Variants in CNBD1 observed in about 807,000 individuals in gnomAD.
The protein encoded by CNBD1 is cyclic nucleotide-binding domain-containing protein 1.
In CNBD1, 71 loss-of-function variants were observed where a neutral mutation model predicts 54.4. The ratio of observed to expected loss-of-function variants is 1.30; its 90% confidence interval spans 1.08 to 1.59. CNBD1 has a LOEUF of 1.59. Among genes scored for constraint, CNBD1 ranks in the 40% most tolerant of loss-of-function variants. The pLI, the probability that CNBD1 is intolerant of heterozygous loss-of-function variation, is 0.00. For synonymous variants in CNBD1, 182 were observed against 170.7 expected (o/e 1.07, Z -0.51); for missense variants, 659 against 518.0 (o/e 1.27, Z -2.64).
chr8:87,363,243 C>T (rs534345764), intron 10 of CNBD1, among the ~76,000 whole-genome samples: 180 of 151,994 alleles, frequency 1.2e-3, no homozygotes, highest in Non-Finnish European at 1.7e-3. Flanking sequence ...TTTTCTTTAT[C>T]CAGTCTATCA....
chr8:87,195,935 T>G (rs1813712798), intron 4 of CNBD1, among the ~76,000 whole-genome samples: 1 of 152,206 alleles, frequency 6.6e-6, no homozygotes, highest in Non-Finnish European at 1.5e-5. Context: ...ACCTGAGAGT[T>G]CTGATTTACT....
chr8:87,073,580 GCTGTTTC>G (rs1810803863), intron 4 of CNBD1, among the ~76,000 whole-genome samples: 1 of 152,104 alleles, frequency 6.6e-6, no homozygotes, highest in African/African-American at 2.4e-5. Context: ...GCTGTTTGCT[GCTGTTTC>G]CACTCCAGAC....
At chr8:87,380,346 C>G (rs1811049287) in intron 10 of CNBD1, among the ~76,000 whole-genome samples, 1 of 151,700 alleles carries the variant, frequency 6.6e-6, no homozygotes, top group Non-Finnish European at 1.5e-5. Context: ...GGATTTATTT[C>G]TGTATTTTAT....
chr8:86,884,197 C>T (rs1475378388), intron 1 of CNBD1, among the ~76,000 whole-genome samples: 3 of 151,922 alleles, frequency 2.0e-5, no homozygotes, highest in African/African-American at 4.8e-5. Context: ...TGCCCCTTTC[C>T]GTTTCATGTG....
At chr8:87,333,348 T>C (rs1301415724) in intron 8 of CNBD1, among the ~76,000 whole-genome samples, 2 of 152,178 alleles carry the variant, frequency 1.3e-5, no homozygotes, top group African/African-American at 4.8e-5. Context: ...CCTCTCTTTC[T>C]ATTTGAATAT....
chr8:87,276,537 C>A (rs761004134), intron 6 of CNBD1, among the ~76,000 whole-genome samples: 1 of 151,794 alleles, frequency 6.6e-6, no homozygotes, highest in East Asian at 1.9e-4. Context: ...AATGGAGAAA[C>A]GGAAGTAGGT....
chr8:87,354,475 A>G (rs1392364979), intron 10 of CNBD1, among the ~76,000 whole-genome samples: 1 of 151,968 alleles, frequency 6.6e-6, no homozygotes, highest in Non-Finnish European at 1.5e-5. Context: ...TTACATATGT[A>G]TACATGTGCC....
chr8:87,074,103 A>G (rs1810815362), intron 4 of CNBD1, among the ~76,000 whole-genome samples: 1 of 133,494 alleles, frequency 7.5e-6, no homozygotes, highest in Non-Finnish European at 1.6e-5. Flanking sequence ...TCCATCTCAA[A>G]AAAAAAAAAA....
chr8:87,266,094 A>G, intron 6 of CNBD1, among the ~76,000 whole-genome samples: 1 of 152,106 alleles, frequency 6.6e-6, no homozygotes, highest in East Asian at 1.9e-4. Flanking sequence ...GAAGGGTTCA[A>G]TATAGCTAAA....
chr8:87,204,960 CT>C (rs79939722), intron 4 of CNBD1, among the ~76,000 whole-genome samples: 6,316 of 145,174 alleles, frequency 0.044, 378 homozygotes, highest in African/African-American at 0.13. Flanking sequence ...TATTTTTAAA[CT>C]TTTTTTTTTT....
chr8:87,301,578 A>G (rs1808993293), intron 8 of CNBD1, among the ~76,000 whole-genome samples: 1 of 152,146 alleles, frequency 6.6e-6, no homozygotes, highest in Non-Finnish European at 1.5e-5. Flanking sequence ...CCATATAAAC[A>G]GAACGCAAGT....
intron 1 of CNBD1, 129 bp from the exon 2 acceptor site, chr8:86,887,411 CTG>C (rs1339268331): frequency 1.7e-6 from 1 of 603,324 alleles, no homozygotes; most frequent in Non-Finnish European, 3.0e-6. Flanking sequence ...TAAACAAAGA[CTG>C]TTAATACCTC....
intron 10 of CNBD1, among the ~76,000 whole-genome samples, chr8:87,361,689 A>AATATATATATATATATATATAT (rs71277937): frequency 6.3e-5 from 9 of 143,456 alleles, no homozygotes; most frequent in African/African-American, 2.4e-4. Flanking sequence ...TAGTTGGATG[A>AATATATATATATATATATATAT]ATATATATAT....
intron 8 of CNBD1, among the ~76,000 whole-genome samples, chr8:87,343,400 G>A (rs112105332): frequency 0.063 from 9,535 of 152,218 alleles, 359 homozygotes; most frequent in African/African-American, 0.086. Context: ...AAAGACAGGC[G>A]TAAGAAATTA....
intron 10 of CNBD1, among the ~76,000 whole-genome samples, chr8:87,367,404 A>G (rs1488516933): frequency 6.6e-6 from 1 of 152,074 alleles, no homozygotes; most frequent in African/African-American, 2.4e-5. Context: ...ATTTCTCATT[A>G]CATCCCCTTG....
In CNBD1 at chr8:87,092,456, T is replaced by TGTGTGTGTGTGTATATATATACAC. The variant is rs1563465551; in HGVS notation, c.432-113537_432-113536insGTGTGTGTGTGTATATATATACAC. On this transcript the variant is annotated intron_variant, in intron 4 of 10. Coordinates refer to ENST00000518476, the MANE Select transcript of CNBD1 (RefSeq NM_173538.3). ...ATGTGTGTGTGTATATATATACACA[T>TGTGTGTGTGTGTATATATATACAC]ATGTGTGTGTGTGTATATATATACA... Among the ~76,000 whole-genome samples, 286 of 138,862 alleles carry TGTGTGTGTGTGTATATATATACAC rather than the reference T, an allele frequency of 2.1e-3. 1 individual carries two copies. The highest frequency in any genetic ancestry group is 8.3e-3 in the African/African-American group (259 of 31,170). 91.1% of individuals were successfully genotyped at this position (138,862 alleles called of 152,430 possible). A position where few individuals can be genotyped will look rare whatever the true frequency, so the allele number is the denominator to read the frequency against.
At chr8:87,416,656 A>T (rs942605326) in intron 2 of CNBD1, among the ~76,000 whole-genome samples, 6 of 152,042 alleles carry the variant, frequency 3.9e-5, no homozygotes, top group Non-Finnish European at 5.9e-5. Context: ...TATATGACTC[A>T]GTCCACCCAG....
At chr8:87,199,139 C>T (rs2130792066) in intron 4 of CNBD1, among the ~76,000 whole-genome samples, 1 of 152,292 alleles carries the variant, frequency 6.6e-6, no homozygotes, top group Middle Eastern at 3.4e-3. Flanking sequence ...ATCCAAACAC[C>T]TCGCGGGGAT....
At chr8:87,337,864 G>A (rs1013228583) in intron 8 of CNBD1, among the ~76,000 whole-genome samples, 4 of 152,148 alleles carry the variant, frequency 2.6e-5, no homozygotes, top group Admixed American at 2.0e-4. Context: ...ATGCTGCTTT[G>A]TATCTTTCCA....
Sources: gnomAD v4.1 joint callset for allele counts (sites outside exome capture counted in the v4.1 genomes callset) on GRCh38, gnomAD v4.1.1 for gene constraint, MANE v1.5 for transcripts, NCBI Gene and HGNC (gene_info 2026-07-23, HGNC 2026-07-21) for gene names.